Variants in CBLB observed in about 807,000 individuals in gnomAD.
The protein encoded by CBLB is E3 ubiquitin-protein ligase CBL-B.
In CBLB, 31 loss-of-function variants were observed where a neutral mutation model predicts 104.9. That is an observed-to-expected ratio of 0.30 (90% CI 0.22 to 0.40). The LOEUF (loss-of-function observed/expected upper bound fraction) is 0.40, where lower values mean the gene tolerates loss of function less well. CBLB is among the 10% of genes least tolerant of loss of function. The probability of loss-of-function intolerance (pLI) is 1.00; values close to 1 mark genes in which losing one functional copy is unlikely to be tolerated. For missense variants in CBLB, 1,062 were observed against 1,214.6 expected (o/e 0.87, Z 1.87); for synonymous variants, 440 against 422.6 (o/e 1.04, Z -0.51).
intron 4 of CBLB, among the ~76,000 whole-genome samples, chr3:105,758,218 A>G (rs1402752773): frequency 6.6e-6 from 1 of 152,200 alleles, no homozygotes; most frequent in Non-Finnish European, 1.5e-5. Flanking sequence ...CAGAAACAGC[A>G]TATCAAAACA....
chr3:105,657,148 A>G lies in CBLB; in HGVS notation c.*1822T>C. 1 of 224,612 alleles carries G rather than the reference A, an allele frequency of 4.5e-6. No individual in the cohort carries two copies. Among genetic ancestry groups the G allele is most frequent in the East Asian group, 6.4e-5 (1 of 15,530 alleles). 13.9% of individuals were successfully genotyped at this position (224,612 alleles called of 1,614,324 possible). A position where few individuals can be genotyped will look rare whatever the true frequency, so the allele number is the denominator to read the frequency against. On this transcript the variant is annotated 3_prime_UTR_variant, in exon 19 of 19. Transcript: ENST00000394030. ...CCATGAAAGCCAGACTGTCAAAAAAAGGGCACATGTCACTTTGCAAAGGAA... is the reference window on the plus strand; with the variant it reads ...CCATGAAAGCCAGACTGTCAAAAAAGGGGCACATGTCACTTTGCAAAGGAA...
chr3:105,812,538 G>T (rs2084447537), intron 3 of CBLB, among the ~76,000 whole-genome samples: 1 of 152,198 alleles, frequency 6.6e-6, no homozygotes, highest in African/African-American at 2.4e-5. Context: ...GATGCTAAGA[G>T]GAAGAAATGA....
chr3:105,669,900 A>T (rs542949084), intron 18 of CBLB, among the ~76,000 whole-genome samples: 34 of 152,328 alleles, frequency 2.2e-4, no homozygotes, highest in African/African-American at 7.9e-4. Context: ...AGATTGCTAT[A>T]AAACAGCATT....
intron 18 of CBLB, among the ~76,000 whole-genome samples, chr3:105,662,530 T>C (rs757710224): frequency 6.6e-6 from 1 of 152,180 alleles, no homozygotes; most frequent in Non-Finnish European, 1.5e-5. Context: ...TCAAAATAAG[T>C]ACAAGAATGT....
rs1002589250 is a variant in CBLB, at chr3:105,746,323, G to A, written c.724-285C>T. The stretch of plus-strand genomic sequence containing the variant: ...TCTCTACACAGCCTATTCTCGCTAC[G>A]GCACTTGTGACCATTGTAAAACACA... On this transcript the variant is annotated intron_variant, in intron 5 of 18. Coordinates refer to ENST00000394030, the MANE Select transcript of CBLB (RefSeq NM_170662.5). Among the ~76,000 whole-genome samples, 5 of 152,222 alleles carry A rather than the reference G, an allele frequency of 3.3e-5. No individual in the cohort carries two copies. In the East Asian group the frequency reaches 5.8e-4, roughly 18 times the overall value.
At chr3:105,659,468 T>G (rs2063572772) in intron 18 of CBLB, among the ~76,000 whole-genome samples, 1 of 152,162 alleles carries the variant, frequency 6.6e-6, no homozygotes, top group African/African-American at 2.4e-5. Flanking sequence ...CACATCTCCT[T>G]CTCTATTCCA....
chr3:105,760,341 T>C (rs1417493930), intron 4 of CBLB, among the ~76,000 whole-genome samples: 1 of 152,186 alleles, frequency 6.6e-6, no homozygotes, highest in Non-Finnish European at 1.5e-5. Flanking sequence ...AGCCACTGAC[T>C]GTAAAAAATA....
chr3:105,664,933 A>AT (rs1292153059), intron 18 of CBLB, among the ~76,000 whole-genome samples: 1 of 152,076 alleles, frequency 6.6e-6, no homozygotes, highest in African/African-American at 2.4e-5. Context: ...GCATGTGTAC[A>AT]TTTTTTTCTA....
chr3:105,782,578 CTTTTTT>C (rs11333516), intron 3 of CBLB, among the ~76,000 whole-genome samples: 9 of 137,516 alleles, frequency 6.5e-5, no homozygotes, highest in South Asian at 2.3e-4. Context: ...CTTTTCTTTT[CTTTTTT>C]TTTTTTTTTT....
At chr3:105,771,458 CCT>C (rs2078865641) in intron 4 of CBLB, among the ~76,000 whole-genome samples, 1 of 151,986 alleles carries the variant, frequency 6.6e-6, no homozygotes. Flanking sequence ...AAGCATTCCC[CCT>C]GAGAATTGTA....
intron 5 of CBLB, among the ~76,000 whole-genome samples, chr3:105,747,329 T>C (rs2076205696): frequency 6.6e-6 from 1 of 152,238 alleles, no homozygotes; most frequent in Non-Finnish European, 1.5e-5. Flanking sequence ...ACATGATTAC[T>C]GGTAGAAAGT....
chr3:105,774,045 C>A (rs2079177486), intron 4 of CBLB, among the ~76,000 whole-genome samples: 1 of 152,180 alleles, frequency 6.6e-6, no homozygotes, highest in African/African-American at 2.4e-5. Flanking sequence ...GCCATTGCGA[C>A]TGTATTAAGA....
chr3:105,805,495 G>A (rs977045620), intron 3 of CBLB, among the ~76,000 whole-genome samples: 10 of 151,980 alleles, frequency 6.6e-5, no homozygotes, highest in Admixed American at 2.6e-4. Context: ...TAGTAGAGAC[G>A]GGGTTTTGCC....
intron 4 of CBLB, among the ~76,000 whole-genome samples, chr3:105,775,669 T>TA (rs2079374455): frequency 6.6e-6 from 1 of 152,232 alleles, no homozygotes; most frequent in Non-Finnish European, 1.5e-5. Flanking sequence ...TTGATCATTT[T>TA]ACTGAGACAT....
intron 4 of CBLB, among the ~76,000 whole-genome samples, chr3:105,755,071 A>C (rs1272059565): frequency 1.3e-5 from 2 of 149,362 alleles, no homozygotes; most frequent in African/African-American, 5.0e-5. Flanking sequence ...ATGTATGTGC[A>C]CATTGTGCAG....
chr3:105,868,717 C>A lies in CBLB; in HGVS notation c.-15+19G>T. 5.0e-6 allele frequency: 5 copies of A among 995,080 alleles called. No homozygotes were observed. Among genetic ancestry groups the A allele is most frequent in the Non-Finnish European group, 6.0e-6 (5 of 835,504 alleles). 61.6% of individuals were successfully genotyped at this position (995,080 alleles called of 1,614,324 possible). On this transcript the variant is annotated intron_variant, in intron 1 of 18. Coordinates refer to ENST00000394030, the MANE Select transcript of CBLB (RefSeq NM_170662.5). ...GGCAAGAAGTGTGGAGCCTCCCCGG[C>A]GACCCCTTCCCTTCTTGCCTTTCGG... is the stretch of plus-strand genomic sequence containing the variant.
chr3:105,702,045 GA>G (rs1450417168), intron 12 of CBLB, 48 bp downstream of exon 12: 3 of 1,610,068 alleles, frequency 1.9e-6, no homozygotes, highest in African/African-American at 2.7e-5. Flanking sequence ...CTGACCATCA[GA>G]AGCATTTATA....
At chr3:105,750,285 G>T (rs1366238640) in intron 5 of CBLB, among the ~76,000 whole-genome samples, 2 of 152,016 alleles carry the variant, frequency 1.3e-5, no homozygotes, top group Non-Finnish European at 2.9e-5. Flanking sequence ...TAAATTAAAA[G>T]CTAATCCTGT....
intron 4 of CBLB, among the ~76,000 whole-genome samples, chr3:105,760,684 TAAC>T (rs2077533847): frequency 6.6e-6 from 1 of 152,000 alleles, no homozygotes; most frequent in South Asian, 2.1e-4. Flanking sequence ...CCAATTAAAT[TAAC>T]AACCAATGAG....
Sources: allele counts gnomAD v4.1 joint callset (sites outside exome capture counted in the v4.1 genomes callset), GRCh38; gene constraint gnomAD v4.1.1; transcripts MANE v1.5; gene names NCBI Gene and HGNC (gene_info 2026-07-23, HGNC 2026-07-21).